The following FAT2 variants were observed in gnomAD, a reference collection of about 807,000 sequenced individuals.
FAT2 encodes FAT atypical cadherin 2.
A neutral mutation model predicts 295.3 loss-of-function variants in FAT2; 150 were observed. That is an observed-to-expected ratio of 0.51 (90% CI 0.44 to 0.58). The LOEUF (loss-of-function observed/expected upper bound fraction) is 0.58. Among genes scored for constraint, FAT2 ranks in the 20% least tolerant of loss-of-function variants. The pLI, the probability that FAT2 is intolerant of heterozygous loss-of-function variation, is 0.00. For synonymous variants in FAT2, 2,026 were observed against 2,150.3 expected (o/e 0.94, Z 1.60); for missense variants, 4,868 against 5,442.7 (o/e 0.89, Z 3.32).
chr5:151,564,152 CA>C (rs1758146590), intron 2 of FAT2, among the ~76,000 whole-genome samples: 1 of 152,228 alleles, frequency 6.6e-6, no homozygotes, highest in African/African-American at 2.4e-5. Flanking sequence ...ATTCCCTCCA[CA>C]AATTGCTTAC....
chr5:151,560,575 G>T (rs1248229892), intron 3 of FAT2, among the ~76,000 whole-genome samples: 1 of 152,158 alleles, frequency 6.6e-6, no homozygotes, highest in Non-Finnish European at 1.5e-5. Flanking sequence ...AGCCCTTGCA[G>T]ATCCACCACC....
At position 151,507,495 on chromosome 5, in the gene FAT2, A is replaced by C. The variant is rs774668674; in HGVS notation, c.12176T>G (p.Ile4059Ser). The change falls in exon 23 of 24, where the codon ATT becomes AGT. Residue 4059 changes from isoleucine (I) to serine (S), a missense_variant. Around this residue, in one of 5 missense-constraint regions of FAT2, gnomAD observed 492 missense variants for 482.6 expected, o/e 1.02. Transcript: ENST00000261800. ...GAGAAGCCCGACAGTGCTTATGATAATGAACGCCACGGCCACTGTGATGAT... is the reference window on the plus strand; with the variant it reads ...GAGAAGCCCGACAGTGCTTATGATACTGAACGCCACGGCCACTGTGATGAT... ...LLIITVAVAF[I>S]IISTVGLLFY... The C allele has an allele frequency of 6.2e-7, 1 of 1,614,122 alleles. No individual in the cohort carries two copies. The highest frequency in any genetic ancestry group is 1.1e-5 in the South Asian group (1 of 91,074).
At chr5:151,523,390 G>A (rs1030058516) in intron 18 of FAT2, among the ~76,000 whole-genome samples, 1 of 152,056 alleles carries the variant, frequency 6.6e-6, no homozygotes, top group African/African-American at 2.4e-5. Flanking sequence ...TATGAGATAG[G>A]TACTATCAAG....
Position 151,549,292 on chromosome 5 carries a change from C to A in FAT2, c.4789+3G>T, listed in dbSNP as rs757845756. 1 of 1,612,362 alleles carries A rather than the reference C, an allele frequency of 6.2e-7. No homozygotes were observed. The highest frequency in any genetic ancestry group is 1.1e-5 in the South Asian group (1 of 90,906). ...CCTCTGAGCTCATGGCCAGGCCTCTCACCTTTCAGGAGGGAGTAGTGGACC... is the reference window on the plus strand; with the variant it reads ...CCTCTGAGCTCATGGCCAGGCCTCTAACCTTTCAGGAGGGAGTAGTGGACC... On this transcript the variant is annotated splice_donor_region_variant and intron_variant, in intron 9 of 23. Coordinates refer to ENST00000261800, the MANE Select transcript of FAT2 (RefSeq NM_001447.3).
intron 18 of FAT2, among the ~76,000 whole-genome samples, chr5:151,523,162 A>G (rs191092401): frequency 6.4e-4 from 97 of 152,268 alleles, no homozygotes; most frequent in Admixed American, 6.3e-3. Context: ...GATTACACCT[A>G]CTGCTGGAAG....
chr5:151,539,743 A>G (rs1053961097), intron 11 of FAT2, among the ~76,000 whole-genome samples: 3 of 152,244 alleles, frequency 2.0e-5, no homozygotes, highest in African/African-American at 7.2e-5. Context: ...GCAAAGCTCC[A>G]TGACAGCAAT....
At chr5:151,550,439 A>C in intron 8 of FAT2, 151 bp downstream of exon 8, 1 of 834,792 alleles carries the variant, frequency 1.2e-6, no homozygotes, top group Non-Finnish European at 1.8e-6. Context: ...CCCTTATGGA[A>C]GGTGCCCTTA....
intron 1 of FAT2, among the ~76,000 whole-genome samples, chr5:151,584,798 A>G (rs1308439441): frequency 6.6e-6 from 1 of 152,188 alleles, no homozygotes; most frequent in East Asian, 1.9e-4. Context: ...GGAACAAATG[A>G]TCTATCTGAC....
intron 1 of FAT2, among the ~76,000 whole-genome samples, chr5:151,581,217 CAT>C (rs746902675): frequency 2.0e-5 from 3 of 152,180 alleles, no homozygotes; most frequent in Non-Finnish European, 4.4e-5. Flanking sequence ...AACGAGGAAA[CAT>C]AATCATCAGG....
chr5:151,525,768 C>A lies in FAT2; in HGVS notation c.10506G>T (p.Gln3502His), dbSNP rs2127583890. Residue 3502 changes from glutamine to histidine, a missense_variant and splice_region_variant, in exon 18 of 24, where the codon CAG (glutamine) becomes CAT (histidine). Physicochemically the swap from Gln to His is conservative, Grantham distance 24. Coordinates refer to ENST00000261800, the MANE Select transcript of FAT2 (RefSeq NM_001447.3). ...ACCAGAAGCCTAGCACAGCTCTCAC[C>A]TGGATCTGAAGCTGATACCATTCCT... Reference protein sequence around the residue: ...RAQEWYQLQIQASDSGIPPLS... With the variant: ...RAQEWYQLQIHASDSGIPPLS... 1 of 1,614,182 alleles carries A rather than the reference C, an allele frequency of 6.2e-7. No homozygotes were observed. Among genetic ancestry groups the A allele is most frequent in the Non-Finnish European group, 8.5e-7 (1 of 1,180,034 alleles).
chr5:151,525,958 G>A lies in FAT2; in HGVS notation c.10316C>T (p.Ser3439Phe), dbSNP rs1753938023. 6.2e-7 allele frequency: 1 copy of A among 1,614,066 alleles called. No individual in the cohort carries two copies. Among genetic ancestry groups the A allele is most frequent in the Admixed American group, 1.7e-5 (1 of 60,006 alleles). Reference sequence around the variant, plus strand: ...CTGCAGGACTTTGCTGCCAATGGGGGAGTTCTCCTGAGACCGAGAGTGACA... The same window carrying A: ...CTGCAGGACTTTGCTGCCAATGGGGAAGTTCTCCTGAGACCGAGAGTGACA... ...LNYSTTVQEN[S>F]PIGSKVLQLI... The change falls in exon 18 of 24, where the codon TCC (serine) becomes TTC (phenylalanine). Residue 3439 changes from serine to phenylalanine, a missense_variant. Transcript: ENST00000261800.
At chr5:151,509,373 C>T (rs965352599) in intron 22 of FAT2, 7 of 152,254 alleles carry the variant, frequency 4.6e-5, no homozygotes, top group African/African-American at 1.2e-4. Flanking sequence ...TAGAGAGAGA[C>T]ACCCTAACAC....
At chr5:151,584,717 A>T (rs988054016) in intron 1 of FAT2, among the ~76,000 whole-genome samples, 8 of 152,188 alleles carry the variant, frequency 5.3e-5, no homozygotes, top group Admixed American at 5.2e-4. Context: ...TTTACAAATG[A>T]AAAAACTGAG....
In FAT2 at chr5:151,542,863, A is replaced by G. The variant is rs1423059145; in HGVS notation, c.8264T>C (p.Met2755Thr). The G allele has an allele frequency of 6.2e-7, 1 of 1,614,086 alleles. No homozygotes were observed. Among genetic ancestry groups the G allele is most frequent in the East Asian group, 2.2e-5 (1 of 44,888 alleles). ...DTGVIKVRKP[M>T]DHESTKLYQI... ...GTACAATTTGGTGGATTCGTGGTCCATGGGCTTCCTCACCTTTATGACCCC... is the reference window on the plus strand; with the variant it reads ...GTACAATTTGGTGGATTCGTGGTCCGTGGGCTTCCTCACCTTTATGACCCC... The change falls in exon 10 of 24, where the codon ATG becomes ACG. Residue 2755 changes from methionine to threonine, a missense_variant. Met to Thr is a moderately conservative substitution (Grantham distance 81, BLOSUM62 -1). This residue lies in a region of FAT2 where 3,297 missense variants were observed against 3,669.4 expected (regional missense o/e 0.90). Coordinates refer to ENST00000261800, the MANE Select transcript of FAT2 (RefSeq NM_001447.3).
rs1424207080 is a variant in FAT2, at chr5:151,567,498, C to G, written c.1434G>C (p.Leu478Phe). 1.2e-6 allele frequency: 2 copies of G among 1,613,940 alleles called. No homozygotes were observed. Among genetic ancestry groups the G allele is most frequent in the Non-Finnish European group, 1.7e-6 (2 of 1,180,002 alleles). The change falls in exon 2 of 24, where the codon TTG becomes TTC. Residue 478 changes from leucine (L) to phenylalanine (F), a missense_variant. Leu to Phe is a conservative substitution (Grantham distance 22). This residue lies in a region of FAT2 where 3,297 missense variants were observed against 3,669.4 expected (regional missense o/e 0.90). Transcript: ENST00000261800. Reference sequence around the variant, plus strand: ...GATCCCGGTCAGTGGCAGTCACAGCCAAAACACTGGTGCCTGGAGGGATGT... The same window carrying G: ...GATCCCGGTCAGTGGCAGTCACAGCGAAAACACTGGTGCCTGGAGGGATGT... ...DENIPPGTSV[L>F]AVTATDRDHG...
rs1474895969 is a variant in FAT2, at chr5:151,534,466, C to T, written c.9370G>A (p.Asp3124Asn). The change falls in exon 13 of 24, where the codon GAC becomes AAC. Residue 3124 changes from aspartate (D) to asparagine (N), a missense_variant. Asp to Asn is a conservative substitution (Grantham distance 23). Transcript: ENST00000261800. ...FPSHCAVAVF[D>N]NTTVKTPVAV... ...ACAGGGGTCTTCACTGTGGTGTTGTCGAAGACAGCCACAGCACAGTGGCTG... is the reference window on the plus strand; with the variant it reads ...ACAGGGGTCTTCACTGTGGTGTTGTTGAAGACAGCCACAGCACAGTGGCTG... The T allele has an allele frequency of 5.0e-6, 8 of 1,613,774 alleles. No homozygotes were observed. The highest frequency in any genetic ancestry group is 5.1e-6 in the Non-Finnish European group (6 of 1,179,970).
rs536914902 is a variant in FAT2, at chr5:151,566,202, G to T, written c.2730C>A (p.Asp910Glu). 6.2e-7 allele frequency: 1 copy of T among 1,614,168 alleles called. No homozygotes were observed. The highest frequency in any genetic ancestry group is 8.5e-7 in the Non-Finnish European group (1 of 1,180,032). Residue 910 changes from aspartate to glutamate, a missense_variant, in exon 2 of 24, where the codon GAC (aspartate) becomes GAA (glutamate). By Grantham distance (45) the Asp-to-Glu change is conservative. This residue lies in a region of FAT2 where 3,297 missense variants were observed against 3,669.4 expected (regional missense o/e 0.90). Transcript: ENST00000261800. The stretch of plus-strand genomic sequence containing the variant: ...TGACATCCTCCAATGTGATTATCAG[G>T]TCAGTGACAGAGAAGAGCTGGTGGC... Reference protein sequence around the residue: ...SKGHQLFSVTDLIITLEDVND... With the variant: ...SKGHQLFSVTELIITLEDVND...
At position 151,546,353 on chromosome 5, in the gene FAT2, A is replaced by G. The variant is rs778442011; in HGVS notation, c.4790-16T>C. 2.2e-5 allele frequency: 35 copies of G among 1,597,594 alleles called. No homozygotes were observed. Among genetic ancestry groups the G allele is most frequent in the African/African-American group, 8.0e-5 (6 of 74,574 alleles). On this transcript the variant is annotated splice_polypyrimidine_tract_variant and intron_variant, in intron 9 of 23. Transcript: ENST00000261800. ...TCGCTGTTCCCTGAAACAGAAGACA[A>G]GACAAACAAGTTTGCCACACCCTCG...
At chr5:151,538,094 CA>C in intron 11 of FAT2, 148 bp from the exon 12 acceptor site, 1 of 590,860 alleles carries the variant, frequency 1.7e-6, no homozygotes, top group Non-Finnish European at 2.9e-6. Flanking sequence ...AGAACAGAGA[CA>C]GAGAGAGAGA....
Sources: allele counts gnomAD v4.1 joint callset (sites outside exome capture counted in the v4.1 genomes callset), GRCh38; gene constraint gnomAD v4.1.1; regional missense constraint gnomAD v4.1.1; transcripts MANE v1.5; gene names NCBI Gene and HGNC (gene_info 2026-07-23, HGNC 2026-07-21).